Variants in RBFOX3 observed in about 807,000 individuals in gnomAD.
RBFOX3 encodes RNA binding fox-1 homolog 3.
A neutral mutation model predicts 48.7 loss-of-function variants in RBFOX3; 17 were observed. The ratio of observed to expected loss-of-function variants is 0.35; its 90% CI spans 0.24 to 0.52. RBFOX3 has a LOEUF of 0.52. Among genes scored for constraint, RBFOX3 ranks in the 20% least tolerant of loss-of-function variants. RBFOX3 has a pLI of 0.94. For missense variants in RBFOX3, 382 were observed against 497.5 expected (o/e 0.77, Z 2.21); for synonymous variants, 212 against 209.5 (o/e 1.01, Z -0.10).
chr17:79,210,474 C>T (rs1436711584), intron 4 of RBFOX3, among the ~76,000 whole-genome samples: 2 of 152,192 alleles, frequency 1.3e-5, no homozygotes, highest in African/African-American at 2.4e-5. Flanking sequence ...AATATCCCAT[C>T]GAGTGCCCGC....
At chr17:79,376,013 A>T (rs2059180631) in intron 2 of RBFOX3, among the ~76,000 whole-genome samples, 1 of 152,240 alleles carries the variant, frequency 6.6e-6, no homozygotes, top group Non-Finnish European at 1.5e-5. Context: ...ATCCATTTCC[A>T]GCACACAGTG....
intron 4 of RBFOX3, among the ~76,000 whole-genome samples, chr17:79,148,526 C>T (rs1050924396): frequency 6.6e-5 from 10 of 152,214 alleles, no homozygotes; most frequent in African/African-American, 2.4e-4. Context: ...TCCAATCCTG[C>T]CTCTGTCCCC....
In RBFOX3 at chr17:79,182,157, G is replaced by A. The variant is rs118133187; in HGVS notation, c.-34+53609C>T. Among the ~76,000 whole-genome samples, 368 of 152,256 alleles carry A rather than the reference G, an allele frequency of 2.4e-3. 10 individuals carry two copies. The East Asian group carries it at 0.064, about 26-fold the overall frequency. ...TCTCCAGTCTCGAAGCCCCCAACAC[G>A]GGGTGCAGAACGCGTCCTATGGGAA... is the stretch of plus-strand genomic sequence containing the variant. On this transcript the variant is annotated intron_variant, in intron 4 of 14. Transcript: ENST00000693108.
the RBFOX3 span, among the ~76,000 whole-genome samples, chr17:79,654,667 G>A: frequency 6.6e-6 from 1 of 152,130 alleles, no homozygotes; most frequent in African/African-American, 2.4e-5. Flanking sequence ...AAAAAGAACT[G>A]GACTTACCCA....
At chr17:79,278,694 G>A (rs1414889317) in intron 3 of RBFOX3, among the ~76,000 whole-genome samples, 5 of 152,254 alleles carry the variant, frequency 3.3e-5, no homozygotes, top group Non-Finnish European at 5.9e-5. Context: ...AGCCTCACAC[G>A]AAAGGCACCC....
intron 1 of RBFOX3, among the ~76,000 whole-genome samples, chr17:79,503,037 G>A (rs1028269265): frequency 1.3e-5 from 2 of 152,196 alleles, no homozygotes; most frequent in African/African-American, 4.8e-5. Flanking sequence ...CAGCGTGGTC[G>A]GGTTTTGTGG....
chr17:79,660,384 T>A, the RBFOX3 span, among the ~76,000 whole-genome samples: 1 of 152,002 alleles, frequency 6.6e-6, no homozygotes, highest in Non-Finnish European at 1.5e-5. Context: ...GGGAGAAAAA[T>A]TTGCTATCTA....
chr17:79,549,713 C>T (rs1293145374), intron 1 of RBFOX3, among the ~76,000 whole-genome samples: 1 of 152,204 alleles, frequency 6.6e-6, no homozygotes, highest in Non-Finnish European at 1.5e-5. Flanking sequence ...CAGTGTGAGC[C>T]TCATGCCCTG....
intron 3 of RBFOX3, among the ~76,000 whole-genome samples, chr17:79,246,167 A>C (rs977315767): frequency 3.3e-5 from 5 of 152,118 alleles, no homozygotes; most frequent in Non-Finnish European, 5.9e-5. Context: ...GCAATGGAAA[A>C]CCATCTATAG....
At position 79,186,702 on chromosome 17, in the gene RBFOX3, A is replaced by C. The variant is rs1001574497; in HGVS notation, c.-34+49064T>G. Among the ~76,000 whole-genome samples, 3 of 152,124 alleles carry C rather than the reference A, an allele frequency of 2.0e-5. No individual in the cohort carries two copies. The East Asian group carries it at 5.8e-4, about 29-fold the overall frequency. ...TTAAAAAAAAGAGGCAAGAAAAAAT[A>C]CCCCATTCGCCCTGAATCTGAGAAG... On this transcript the variant is annotated intron_variant, in intron 4 of 14. Coordinates refer to ENST00000693108, the MANE Select transcript of RBFOX3 (RefSeq NM_001350451.2).
At chr17:79,153,512 G>A (rs2045069159) in intron 4 of RBFOX3, among the ~76,000 whole-genome samples, 1 of 152,188 alleles carries the variant, frequency 6.6e-6, no homozygotes, top group Non-Finnish European at 1.5e-5. Context: ...AGCTGACAGG[G>A]CCCTGGGAAC....
intron 1 of RBFOX3, among the ~76,000 whole-genome samples, chr17:79,498,563 A>G (rs1188691409): frequency 1.3e-5 from 2 of 148,244 alleles, no homozygotes; most frequent in Non-Finnish European, 3.0e-5. Context: ...CTACTCATGC[A>G]CCTATCCTTC....
chr17:79,441,769 G>A (rs1598712299), intron 2 of RBFOX3, among the ~76,000 whole-genome samples: 1 of 152,198 alleles, frequency 6.6e-6, no homozygotes, highest in East Asian at 1.9e-4. Flanking sequence ...AGACCCCAGG[G>A]TGGGTCTTGG....
At chr17:79,549,530 A>G (rs1376779265) in intron 1 of RBFOX3, among the ~76,000 whole-genome samples, 1 of 152,264 alleles carries the variant, frequency 6.6e-6, no homozygotes, top group African/African-American at 2.4e-5. Flanking sequence ...ATCTTTAAGG[A>G]TCATAACAAT....
rs941574684 is a variant in RBFOX3 at position 79,558,622 on chromosome 17, T to C, written c.-320+52204A>G. 1.9e-3 allele frequency among the ~76,000 whole-genome samples: 289 copies of C among 152,154 alleles called. 7 individuals carry two copies. The highest frequency in any genetic ancestry group is 0.019 in the South Asian group (89 of 4,810). On this transcript the variant is annotated intron_variant, in intron 1 of 14. Coordinates refer to ENST00000693108, the MANE Select transcript of RBFOX3 (RefSeq NM_001350451.2). The stretch of plus-strand genomic sequence containing the variant: ...GGCCGGGCTCCATGCACTCACTGCT[T>C]GAGAGGAAACCAAAATTGTCAGCCC...
chr17:79,138,044 G>A (rs1018723246), intron 4 of RBFOX3, among the ~76,000 whole-genome samples: 2 of 152,150 alleles, frequency 1.3e-5, no homozygotes, highest in Non-Finnish European at 2.9e-5. Context: ...CACTGTCTCC[G>A]TCACACGCCA....
intron 2 of RBFOX3, among the ~76,000 whole-genome samples, chr17:79,325,081 G>T (rs35773916): frequency 0.06 from 9,198 of 152,290 alleles, 314 homozygotes; most frequent in South Asian, 0.077. Flanking sequence ...AAATGTTGAG[G>T]CCTGAGCCAA....
chr17:79,527,240 C>T (rs993025443), intron 1 of RBFOX3, among the ~76,000 whole-genome samples: 1 of 152,260 alleles, frequency 6.6e-6, no homozygotes, highest in Non-Finnish European at 1.5e-5. Flanking sequence ...TCTTCCCTGC[C>T]AGGAGCTTCA....
chr17:79,533,251 C>A (rs2088124896), intron 1 of RBFOX3, among the ~76,000 whole-genome samples: 1 of 152,238 alleles, frequency 6.6e-6, no homozygotes, highest in Non-Finnish European at 1.5e-5. Flanking sequence ...AGGGCCGGGA[C>A]AAGCTGCGCT....
Sources: allele counts gnomAD v4.1 joint callset (sites outside exome capture counted in the v4.1 genomes callset), GRCh38; gene constraint gnomAD v4.1.1; transcripts MANE v1.5; gene names NCBI Gene and HGNC (gene_info 2026-07-23, HGNC 2026-07-21).